The following DISP1 variants were observed in gnomAD, a reference collection of about 807,000 sequenced individuals.
DISP1 encodes protein dispatched homolog 1.
A neutral mutation model predicts 37.3 loss-of-function variants in DISP1; 30 were observed. The ratio of observed to expected loss-of-function variants is 0.80; its 90% CI spans 0.60 to 1.09. DISP1 has a LOEUF of 1.09. DISP1 is among the 50% of genes least tolerant of loss of function. The pLI is 0.00. For missense variants in DISP1, 1,598 were observed against 1,879.5 expected (o/e 0.85, Z 2.77); for synonymous variants, 634 against 690.2 (o/e 0.92, Z 1.28).
At chr1:222,901,497 TTTTGTTTGTTTG>T (rs371215213) in intron 1 of DISP1, among the ~76,000 whole-genome samples, 1 of 151,732 alleles carries the variant, frequency 6.6e-6, no homozygotes, top group Non-Finnish European at 1.5e-5. Flanking sequence ...ACTTATAGAT[TTTTGTTTGTTTG>T]TTTGTTTGTT....
intron 3 of DISP1, among the ~76,000 whole-genome samples, chr1:222,975,720 T>TACAGTA (rs1677267428): frequency 1.3e-5 from 2 of 152,360 alleles, no homozygotes; most frequent in Non-Finnish European, 2.9e-5. Flanking sequence ...TCACTGGTCA[T>TACAGTA]CAGAGTACTG....
intron 1 of DISP1, among the ~76,000 whole-genome samples, chr1:222,820,335 T>C (rs987583558): frequency 6.6e-6 from 1 of 152,164 alleles, no homozygotes; most frequent in South Asian, 2.1e-4. Context: ...GTGATACCCA[T>C]GGGGCTTGAA....
At chr1:222,819,538 CTTTT>C (rs762729584) in intron 1 of DISP1, among the ~76,000 whole-genome samples, 2 of 118,294 alleles carry the variant, frequency 1.7e-5, no homozygotes, top group African/African-American at 3.1e-5. Context: ...ACACACATAT[CTTTT>C]TTTTTTTTTT....
intron 4 of DISP1, among the ~76,000 whole-genome samples, chr1:222,984,249 T>C (rs1404028620): frequency 6.6e-6 from 1 of 151,340 alleles, no homozygotes; most frequent in Non-Finnish European, 1.5e-5. Context: ...TACAAAAAAA[T>C]ACAAAAAGTT....
chr1:222,827,605 AGTTATACATC>A (rs1260232389), intron 1 of DISP1: 2 of 152,148 alleles, frequency 1.3e-5, no homozygotes, highest in East Asian at 3.8e-4. Flanking sequence ...TTAACAGGTA[AGTTATACATC>A]TTTAAATTTA....
intron 1 of DISP1, among the ~76,000 whole-genome samples, chr1:222,891,704 G>A (rs973725878): frequency 2.7e-5 from 4 of 149,484 alleles, no homozygotes; most frequent in African/African-American, 7.3e-5. Flanking sequence ...GCTACATGAA[G>A]GTAAAGTAGG....
intron 1 of DISP1, among the ~76,000 whole-genome samples, chr1:222,867,959 T>C (rs1669290353): frequency 6.6e-6 from 1 of 152,116 alleles, no homozygotes; most frequent in African/African-American, 2.4e-5. Context: ...GAAAGGGGAA[T>C]TTTAGCAGTG....
intron 1 of DISP1, among the ~76,000 whole-genome samples, chr1:222,909,350 T>C (rs1187998024): frequency 6.6e-6 from 1 of 152,242 alleles, no homozygotes; most frequent in Non-Finnish European, 1.5e-5. Flanking sequence ...CCAGGATTTA[T>C]TACATTCATT....
intron 1 of DISP1, among the ~76,000 whole-genome samples, chr1:222,898,286 T>A (rs886477338): frequency 6.6e-6 from 1 of 152,154 alleles, no homozygotes; most frequent in Non-Finnish European, 1.5e-5. Context: ...TAGAATTTTT[T>A]TTTAAACACT....
intron 1 of DISP1, among the ~76,000 whole-genome samples, chr1:222,816,093 AT>A (rs1558273040): frequency 2.7e-4 from 40 of 148,374 alleles, no homozygotes; most frequent in African/African-American, 6.1e-4. Context: ...ATATATATAT[AT>A]ATATATATAA....
chr1:222,885,932 C>G (rs1670570105), intron 1 of DISP1, among the ~76,000 whole-genome samples: 1 of 151,428 alleles, frequency 6.6e-6, no homozygotes, highest in Non-Finnish European at 1.5e-5. Flanking sequence ...TGAGATTATT[C>G]CTAATTTGTA....
At chr1:222,838,588 A>G (rs989571169) in intron 1 of DISP1, among the ~76,000 whole-genome samples, 54 of 151,956 alleles carry the variant, frequency 3.6e-4, no homozygotes, top group African/African-American at 1.3e-3. Context: ...TGGGCAACAT[A>G]GTGAGACCCC....
rs1370692829 is a variant in DISP1 at position 222,815,095 on chromosome 1, A to C, written c.-159+17A>C. ...GGACTGGAGGTGAGTTCGCAGCCGG[A>C]ACGTTGCAGGCACTTGTTTCCTCAG... On this transcript the variant is annotated intron_variant, in intron 1 of 8. Transcript: ENST00000675850. 6.6e-6 allele frequency: 1 copy of C among 152,176 alleles called. No individual in the cohort carries two copies. Among genetic ancestry groups the C allele is most frequent in the Non-Finnish European group, 1.5e-5 (1 of 68,096 alleles). The allele number at this position is 152,176 out of a possible 1,614,324, so 9.4% of individuals were successfully genotyped here. A position where few individuals can be genotyped will look rare whatever the true frequency, so the allele number is the denominator to read the frequency against.
chr1:222,949,507 G>T (rs1219860474), intron 3 of DISP1, among the ~76,000 whole-genome samples: 2 of 152,064 alleles, frequency 1.3e-5, no homozygotes, highest in Admixed American at 6.5e-5. Context: ...TAAAGCTTTA[G>T]ATTTCATTTT....
chr1:222,949,858 C>T (rs546092782), intron 3 of DISP1, among the ~76,000 whole-genome samples: 5 of 152,220 alleles, frequency 3.3e-5, no homozygotes, highest in Admixed American at 2.6e-4. Flanking sequence ...AACTCCTGGC[C>T]TCAAGTGATC....
At chr1:222,897,838 C>T (rs971266106) in intron 1 of DISP1, among the ~76,000 whole-genome samples, 6 of 152,082 alleles carry the variant, frequency 3.9e-5, no homozygotes, top group African/African-American at 1.4e-4. Flanking sequence ...GGCTAAAGTA[C>T]TTGGTGTTTT....
At chr1:222,976,639 A>G (rs541147305) in intron 3 of DISP1, among the ~76,000 whole-genome samples, 1 of 152,174 alleles carries the variant, frequency 6.6e-6, no homozygotes, top group Non-Finnish European at 1.5e-5. Flanking sequence ...TCAAGCAGAA[A>G]GACTGTGATG....
At chr1:222,862,863 G>C (rs933915730) in intron 1 of DISP1, among the ~76,000 whole-genome samples, 2 of 151,948 alleles carry the variant, frequency 1.3e-5, no homozygotes, top group East Asian at 1.9e-4. Flanking sequence ...TTTTTTTTCT[G>C]TCTGGTACCC....
chr1:222,936,549 A>C lies in DISP1; in HGVS notation c.-17-6258A>C, dbSNP rs538185759. ...AATGTCTCTCTCTCTCTCTATATAT[A>C]TATATATGAGATTTATATATAATAT... On this transcript the variant is annotated intron_variant, in intron 2 of 8. Coordinates refer to ENST00000675850, the MANE Select transcript of DISP1 (RefSeq NM_001377229.1). Among the ~76,000 whole-genome samples, 254 of 138,652 alleles carry C rather than the reference A, an allele frequency of 1.8e-3. 4 individuals are homozygous for C. The highest frequency in any genetic ancestry group is 6.2e-3 in the African/African-American group (233 of 37,368). The allele number at this position is 138,652 out of a possible 152,430, so 91.0% of individuals were successfully genotyped here.
Sources: allele counts gnomAD v4.1 joint callset (sites outside exome capture counted in the v4.1 genomes callset), GRCh38; gene constraint gnomAD v4.1.1; transcripts MANE v1.5; gene names NCBI Gene and HGNC (gene_info 2026-07-23, HGNC 2026-07-21).